Variants in LRP1B observed in about 807,000 individuals in gnomAD.
The protein encoded by LRP1B is low-density lipoprotein receptor-related protein 1B.
LRP1B carries 217 observed loss-of-function variants against 556.6 expected under a neutral mutation model. The ratio of observed to expected loss-of-function variants is 0.39; its 90% CI spans 0.35 to 0.44. The LOEUF (loss-of-function observed/expected upper bound fraction) is 0.44. Among genes scored for constraint, LRP1B ranks in the 20% least tolerant of loss-of-function variants. The probability of loss-of-function intolerance (pLI) is 1.00; values close to 1 mark genes in which losing one functional copy is unlikely to be tolerated. For synonymous variants in LRP1B, 2,047 were observed against 1,865.8 expected, an observed-to-expected ratio of 1.10 and a Z score of -2.50; for missense variants, 5,053 against 5,620.8, an observed-to-expected ratio of 0.90 and a Z score of 3.23.
At chr2:140,748,992 A>G (rs1688476858) in intron 35 of LRP1B, among the ~76,000 whole-genome samples, 1 of 151,458 alleles carries the variant, frequency 6.6e-6, no homozygotes, top group African/African-American at 2.4e-5. Context: ...CTTAGGTTAT[A>G]TGGTACACAG....
intron 3 of LRP1B, among the ~76,000 whole-genome samples, chr2:141,264,283 T>C (rs1684807501): frequency 6.6e-6 from 1 of 152,182 alleles, no homozygotes; most frequent in African/African-American, 2.4e-5. Context: ...ACTGACAACA[T>C]TGTCACTTGA....
chr2:141,870,883 T>C (rs1698564232), intron 1 of LRP1B, among the ~76,000 whole-genome samples: 2 of 151,964 alleles, frequency 1.3e-5, no homozygotes, highest in African/African-American at 4.8e-5. Flanking sequence ...ATTTTCTATT[T>C]CTCACTGTAT....
chr2:141,609,160 T>A (rs1354590980), intron 2 of LRP1B, among the ~76,000 whole-genome samples: 5 of 152,220 alleles, frequency 3.3e-5, no homozygotes, highest in Non-Finnish European at 7.4e-5. Context: ...AACCCAGATT[T>A]ATTATTTGCT....
chr2:140,958,370 A>G (rs1695936137), intron 18 of LRP1B, among the ~76,000 whole-genome samples: 1 of 151,674 alleles, frequency 6.6e-6, no homozygotes. Context: ...AGATTTGAAA[A>G]GCAACCAAAT....
chr2:141,130,937 C>G (rs1029349439), intron 7 of LRP1B, among the ~76,000 whole-genome samples: 1 of 152,114 alleles, frequency 6.6e-6, no homozygotes, highest in African/African-American at 2.4e-5. Flanking sequence ...GAAAACCAAA[C>G]ACCACATGTT....
intron 66 of LRP1B, among the ~76,000 whole-genome samples, chr2:140,406,557 A>T (rs1271350555): frequency 6.6e-6 from 1 of 152,162 alleles, no homozygotes. Flanking sequence ...ACAGTGACCC[A>T]GCTGAGAATC....
intron 2 of LRP1B, among the ~76,000 whole-genome samples, chr2:141,687,026 A>G (rs1318985277): frequency 6.6e-6 from 1 of 152,050 alleles, no homozygotes; most frequent in East Asian, 1.9e-4. Context: ...TTTATAAATT[A>G]TATACTTTCA....
At chr2:141,985,219 T>C (rs1333711631) in intron 1 of LRP1B, among the ~76,000 whole-genome samples, 2 of 152,118 alleles carry the variant, frequency 1.3e-5, no homozygotes, top group African/African-American at 2.4e-5. Flanking sequence ...GTTAAATGAA[T>C]TTGAAATAGC....
chr2:140,486,267 A>G (rs1449122476), intron 58 of LRP1B, among the ~76,000 whole-genome samples: 1 of 152,058 alleles, frequency 6.6e-6, no homozygotes, highest in African/African-American at 2.4e-5. Context: ...GAAAATGCCA[A>G]TAAAATTTTA....
chr2:141,164,991 C>G (rs1680188793), intron 7 of LRP1B, among the ~76,000 whole-genome samples: 1 of 151,932 alleles, frequency 6.6e-6, no homozygotes, highest in African/African-American at 2.4e-5. Context: ...TGCCAAACTG[C>G]CTTTGACTTT....
At chr2:142,024,620 G>GTTTTTTTTTTTTTTTTTTT (rs3041443) in intron 1 of LRP1B, among the ~76,000 whole-genome samples, 1 of 131,028 alleles carries the variant, frequency 7.6e-6, no homozygotes, top group Non-Finnish European at 1.6e-5. Flanking sequence ...CAGCTGAAAT[G>GTTTTTTTTTTTTTTTTTTT]TTTTTTTTTT....
intron 60 of LRP1B, among the ~76,000 whole-genome samples, chr2:140,470,197 T>C (rs1046559860): frequency 6.6e-6 from 1 of 152,244 alleles, no homozygotes; most frequent in Non-Finnish European, 1.5e-5. Context: ...CTTTGAAATA[T>C]GTTAATAATC....
intron 2 of LRP1B, among the ~76,000 whole-genome samples, chr2:141,786,893 G>T (rs1695445424): frequency 6.6e-6 from 1 of 151,888 alleles, no homozygotes; most frequent in Non-Finnish European, 1.5e-5. Flanking sequence ...CATACATTGA[G>T]ATGACTATAT....
intron 5 of LRP1B, among the ~76,000 whole-genome samples, chr2:141,243,071 A>G (rs1226715320): frequency 6.6e-6 from 1 of 152,074 alleles, no homozygotes; most frequent in African/African-American, 2.4e-5. Context: ...CTCAAAAAAT[A>G]TATCAAAATG....
At chr2:142,112,643 C>T (rs187959893) in intron 1 of LRP1B, among the ~76,000 whole-genome samples, 1 of 152,188 alleles carries the variant, frequency 6.6e-6, no homozygotes, top group East Asian at 1.9e-4. Context: ...AGAATCTTGA[C>T]AATAACATTT....
chr2:141,413,605 T>G (rs969824573), intron 3 of LRP1B, among the ~76,000 whole-genome samples: 1 of 152,186 alleles, frequency 6.6e-6, no homozygotes, highest in Non-Finnish European at 1.5e-5. Flanking sequence ...TATTTTGTTA[T>G]AGGCAATAGA....
At chr2:140,447,768 C>G (rs1686725296) in intron 63 of LRP1B, among the ~76,000 whole-genome samples, 1 of 152,002 alleles carries the variant, frequency 6.6e-6, no homozygotes. Flanking sequence ...TTAATAATTT[C>G]TAGCTTTTGA....
At chr2:141,653,300 T>A (rs1179275540) in intron 2 of LRP1B, among the ~76,000 whole-genome samples, 2 of 152,144 alleles carry the variant, frequency 1.3e-5, no homozygotes, top group Admixed American at 1.3e-4. Flanking sequence ...TGCAAGATCA[T>A]CGTGTGGAGA....
At chr2:141,489,372 A>G (rs1170463684) in intron 2 of LRP1B, among the ~76,000 whole-genome samples, 2 of 151,852 alleles carry the variant, frequency 1.3e-5, no homozygotes, top group Admixed American at 6.6e-5. Context: ...TTAGTATTTT[A>G]AGGTGGAAAG....
Sources: gnomAD v4.1 joint callset for allele counts (sites outside exome capture counted in the v4.1 genomes callset) on GRCh38, gnomAD v4.1.1 for gene constraint, MANE v1.5 for transcripts, NCBI Gene and HGNC (gene_info 2026-07-23, HGNC 2026-07-21) for gene names.